The following C1orf198 variants were observed in gnomAD, a reference collection of about 807,000 sequenced individuals.
C1orf198 encodes chromosome 1 open reading frame 198.
A neutral mutation model predicts 31.4 loss-of-function variants in C1orf198; 17 were observed. That is an observed-to-expected ratio of 0.54 (90% CI 0.37 to 0.81). C1orf198 has a LOEUF of 0.81. Ranked by LOEUF, C1orf198 falls within the 40% of genes least tolerant of loss-of-function variation. The probability of loss-of-function intolerance (pLI) is 0.00; values close to 1 mark genes in which losing one functional copy is unlikely to be tolerated. For missense variants in C1orf198, 401 were observed against 450.3 expected, an observed-to-expected ratio of 0.89 and a Z score of 0.99; for synonymous variants, 175 against 193.8, an observed-to-expected ratio of 0.90 and a Z score of 0.81.
At chr1:230,867,442 C>T (rs749897747) in intron 1 of C1orf198, among the ~76,000 whole-genome samples, 2 of 152,124 alleles carry the variant, frequency 1.3e-5, no homozygotes, top group Non-Finnish European at 2.9e-5. Context: ...AGATCTGAGA[C>T]CTAAACATGC....
chr1:230,845,321 T>C (rs996519631), intron 2 of C1orf198, among the ~76,000 whole-genome samples: 8 of 151,604 alleles, frequency 5.3e-5, no homozygotes, highest in African/African-American at 1.7e-4. Context: ...AGGTCAAGGC[T>C]GCAGTGAGCC....
intron 1 of C1orf198, among the ~76,000 whole-genome samples, chr1:230,862,289 C>T (rs1228512588): frequency 1.3e-5 from 2 of 152,362 alleles, no homozygotes; most frequent in East Asian, 3.9e-4. Context: ...GCTCCATGCA[C>T]AACTGTGCTT....
At position 230,858,294 on chromosome 1, in the gene C1orf198, A is replaced by C. The variant is rs569822887; in HGVS notation, c.334-2576T>G. On this transcript the variant is annotated intron_variant, in intron 1 of 3. Coordinates refer to ENST00000366663, the MANE Select transcript of C1orf198 (RefSeq NM_032800.3). ...AGTTCCGTTTAGAAGCAATCAAACCAAGAAGGGCTTTGTTTTCACATGGGA... is the reference window on the plus strand; with the variant it reads ...AGTTCCGTTTAGAAGCAATCAAACCCAGAAGGGCTTTGTTTTCACATGGGA... Among the ~76,000 whole-genome samples the C allele has an allele frequency of 3.3e-5, 5 of 152,346 alleles. No homozygotes were observed. The South Asian group carries it at 1.0e-3, about 32-fold the overall frequency.
intron 1 of C1orf198, among the ~76,000 whole-genome samples, chr1:230,862,836 G>A (rs1425087251): frequency 6.6e-6 from 1 of 152,224 alleles, no homozygotes. Flanking sequence ...CAACCCAAGA[G>A]TGAACCCTAA....
intron 2 of C1orf198, among the ~76,000 whole-genome samples, chr1:230,849,400 A>G (rs1053051082): frequency 6.6e-6 from 1 of 152,196 alleles, no homozygotes; most frequent in African/African-American, 2.4e-5. Context: ...GTGGTCTTCT[A>G]TAGTCTTTGA....
At chr1:230,856,488 C>CT (rs149510006) in intron 1 of C1orf198, among the ~76,000 whole-genome samples, 24 of 152,322 alleles carry the variant, frequency 1.6e-4, no homozygotes, top group African/African-American at 5.8e-4. Flanking sequence ...ATCCCACCCT[C>CT]TACCCGCAGT....
At chr1:230,864,919 G>C (rs187539133) in intron 1 of C1orf198, among the ~76,000 whole-genome samples, 1 of 152,108 alleles carries the variant, frequency 6.6e-6, no homozygotes, top group African/African-American at 2.4e-5. Context: ...AAGCAAACAG[G>C]GTGATCCCTC....
intron 2 of C1orf198, among the ~76,000 whole-genome samples, chr1:230,847,035 G>A (rs1412780614): frequency 3.5e-5 from 5 of 144,478 alleles, no homozygotes; most frequent in Admixed American, 2.9e-4. Context: ...CCCGGGAGGC[G>A]AAGCTTGCAG....
intron 2 of C1orf198, among the ~76,000 whole-genome samples, chr1:230,847,293 GA>G (rs61100871): frequency 6.8e-6 from 1 of 147,816 alleles, no homozygotes; most frequent in Non-Finnish European, 1.5e-5. Flanking sequence ...AAAAAAAAAA[GA>G]AAAAAAAGAA....
intron 2 of C1orf198, among the ~76,000 whole-genome samples, chr1:230,848,633 C>A (rs996788274): frequency 1.3e-5 from 2 of 152,164 alleles, no homozygotes; most frequent in African/African-American, 4.8e-5. Context: ...TCTCTGATTT[C>A]ACAAAATATC....
Position 230,868,183 on chromosome 1 carries a change from G to T in C1orf198, c.330C>A (p.Asp110Glu). 9 of 1,471,086 alleles carry T rather than the reference G, an allele frequency of 6.1e-6. 1 individual carries two copies. Among genetic ancestry groups the T allele is most frequent in the Non-Finnish European group, 8.1e-6 (9 of 1,110,968 alleles). 91.1% of individuals were successfully genotyped at this position (1,471,086 alleles called of 1,614,324 possible). A position where few individuals can be genotyped will look rare whatever the true frequency, so the allele number is the denominator to read the frequency against. The part of the protein sequence containing the change: ...PTGQKVVRFG[D>E]EDLTWQDEHS... Reference sequence around the variant, plus strand: ...CCGCGGCCAGGCCCGCACCTACCTCGTCCCCGAAGCGCACCACCTTCTGGC... The same window carrying T: ...CCGCGGCCAGGCCCGCACCTACCTCTTCCCCGAAGCGCACCACCTTCTGGC... The change falls in exon 1 of 4, where the codon GAC becomes GAA. Residue 110 changes from aspartate to glutamate, a missense_variant. Coordinates refer to ENST00000366663, the MANE Select transcript of C1orf198 (RefSeq NM_032800.3).
chr1:230,868,062 C>T (rs1670161930), intron 1 of C1orf198, 118 bp downstream of exon 1: 2 of 970,154 alleles, frequency 2.1e-6, no homozygotes, highest in South Asian at 2.4e-5. Context: ...GCCATTCCTG[C>T]CTTTTCTTTT....
At chr1:230,865,796 C>A (rs955231186) in intron 1 of C1orf198, among the ~76,000 whole-genome samples, 1 of 152,216 alleles carries the variant, frequency 6.6e-6, no homozygotes, top group African/African-American at 2.4e-5. Flanking sequence ...TCCTGCAATA[C>A]ACAAGAAATG....
At chr1:230,862,986 T>TA (rs953595368) in intron 1 of C1orf198, among the ~76,000 whole-genome samples, 15 of 152,222 alleles carry the variant, frequency 9.9e-5, no homozygotes, top group African/African-American at 3.4e-4. Context: ...AAAATTGCTC[T>TA]AAAAAATTAA....
intron 2 of C1orf198, among the ~76,000 whole-genome samples, chr1:230,845,626 T>C (rs1201003593): frequency 6.6e-6 from 1 of 151,272 alleles, no homozygotes; most frequent in African/African-American, 2.4e-5. Context: ...GAGGTTGCGG[T>C]GAGCCAAGAT....
chr1:230,853,684 G>A (rs558336098), intron 2 of C1orf198, among the ~76,000 whole-genome samples: 10 of 152,318 alleles, frequency 6.6e-5, no homozygotes, highest in Non-Finnish European at 1.5e-4. Context: ...TCTAACAGGA[G>A]TATGAAATGA....
At chr1:230,850,010 C>CCACCCCGTCAGCCTCT (rs1669699964) in intron 2 of C1orf198, among the ~76,000 whole-genome samples, 1 of 152,176 alleles carries the variant, frequency 6.6e-6, no homozygotes, top group Non-Finnish European at 1.5e-5. Context: ...GCAAAAAACA[C>CCACCCCGTCAGCCTCT]CAGCCAGGGA....
intron 1 of C1orf198, among the ~76,000 whole-genome samples, chr1:230,866,968 T>A (rs946791992): frequency 2.0e-5 from 3 of 152,210 alleles, no homozygotes; most frequent in African/African-American, 7.2e-5. Context: ...GTCATTTCAC[T>A]TTTCCCTCAC....
chr1:230,865,137 G>T (rs537766788), intron 1 of C1orf198, among the ~76,000 whole-genome samples: 1 of 152,356 alleles, frequency 6.6e-6, no homozygotes, highest in East Asian at 1.9e-4. Flanking sequence ...GAGTTGGAAA[G>T]AAACTCTGTG....
Sources: gnomAD v4.1 joint callset for allele counts (sites outside exome capture counted in the v4.1 genomes callset) on GRCh38, gnomAD v4.1.1 for gene constraint, MANE v1.5 for transcripts, NCBI Gene and HGNC (gene_info 2026-07-23, HGNC 2026-07-21) for gene names.